RYR1: variants seen among roughly 807,000 people sequenced by gnomAD.
RYR1 encodes ryanodine receptor 1.
In RYR1, 342 loss-of-function variants were observed where a neutral mutation model predicts 583.5. The ratio of observed to expected loss-of-function variants is 0.59; its 90% CI spans 0.54 to 0.64. The LOEUF (loss-of-function observed/expected upper bound fraction) is 0.64, where lower values mean the gene tolerates loss of function less well. RYR1 is among the 30% of genes least tolerant of loss of function. RYR1 has a pLI of 0.00. For missense variants in RYR1, 6,032 were observed against 6,917.2 expected (o/e 0.87, Z 4.54); for synonymous variants, 2,791 against 2,822.5 (o/e 0.99, Z 0.35).
chr19:38,467,996 A>T, intron 25 of RYR1, 184 bp downstream of exon 25: 1 of 630,704 alleles, frequency 1.6e-6, no homozygotes. Context: ...CCATCGATCT[A>T]TCAGACATCC....
chr19:38,477,709 G>C lies in RYR1; in HGVS notation c.4294-1G>C. Reference sequence around the variant, plus strand: ...ACTAGTTCCCCTCCTTGTGTCACCAGTACTATTACTCCGTGAGGGTCTTTG... The same window carrying C: ...ACTAGTTCCCCTCCTTGTGTCACCACTACTATTACTCCGTGAGGGTCTTTG... On this transcript the variant is annotated splice_acceptor_variant, in intron 29 of 105. Coordinates refer to ENST00000359596, the MANE Select transcript of RYR1 (RefSeq NM_000540.3). LOFTEE classifies it high-confidence loss of function. 1 of 1,614,142 alleles carries C rather than the reference G, an allele frequency of 6.2e-7. No individual in the cohort carries two copies. The highest frequency in any genetic ancestry group is 8.5e-7 in the Non-Finnish European group (1 of 1,180,030).
intron 97 of RYR1, among the ~76,000 whole-genome samples, chr19:38,577,473 A>G (rs1057326372): frequency 6.6e-6 from 1 of 152,078 alleles, no homozygotes; most frequent in Non-Finnish European, 1.5e-5. Context: ...ACCCAAGTAC[A>G]GTATGTCAGT....
In RYR1 at chr19:38,487,044, C is replaced by T. The variant is rs538916141; in HGVS notation, c.5547+842C>T. 3.4e-4 allele frequency among the ~76,000 whole-genome samples: 52 copies of T among 152,290 alleles called. 1 individual carries two copies. The South Asian group carries it at 8.1e-3, about 24-fold the overall frequency. On this transcript the variant is annotated intron_variant, in intron 34 of 105. Coordinates refer to ENST00000359596, the MANE Select transcript of RYR1 (RefSeq NM_000540.3). Reference sequence around the variant, plus strand: ...TTCCATCTGTTCATCTATCCACCTACCCATTTATGTATTAATCTATCTTTC... The same window carrying T: ...TTCCATCTGTTCATCTATCCACCTATCCATTTATGTATTAATCTATCTTTC...
Position 38,466,536 on chromosome 19 carries a change from G to A in RYR1, c.3178+138G>A, listed in dbSNP as rs888123769. ...TTTTTTTTTTTTGAGACGGAGTCTC[G>A]CTGTCCCCAGGCTGGAGTGCAATGG... On this transcript the variant is annotated intron_variant, in intron 24 of 105. Coordinates refer to ENST00000359596, the MANE Select transcript of RYR1 (RefSeq NM_000540.3). The A allele has an allele frequency of 1.9e-5, 16 of 856,354 alleles. No individual in the cohort carries two copies. The African/African-American group carries it at 1.9e-4, about 10-fold the overall frequency. The allele number at this position is 856,354 out of a possible 1,614,324, so 53.0% of individuals were successfully genotyped here.
rs1057519173 is a variant in RYR1 at position 38,489,444 on chromosome 19, G to A, written c.5814+1G>A. 1 of 1,613,962 alleles carries A rather than the reference G, an allele frequency of 6.2e-7. No homozygotes were observed. The highest frequency in any genetic ancestry group is 8.5e-7 in the Non-Finnish European group (1 of 1,179,868). ...GTTGCCAGAGTCTGTGAAGTTACAG[G>A]TGGGCTGCTGCTTCCTGCTTTTCGG... On this transcript the variant is annotated splice_donor_variant, in intron 35 of 105. Coordinates refer to ENST00000359596, the MANE Select transcript of RYR1 (RefSeq NM_000540.3). LOFTEE classifies it high-confidence loss of function.
At chr19:38,463,330 C>A in intron 20 of RYR1, 93 bp from the exon 21 acceptor site, 1 of 1,066,930 alleles carries the variant, frequency 9.4e-7, no homozygotes, top group Admixed American at 1.9e-5. Flanking sequence ...CTGGAGGAGC[C>A]TCCCAGGGCT....
Position 38,561,161 on chromosome 19 carries a change from C to CT in RYR1, c.12334dup (p.Ser4112PhefsTer7), listed in dbSNP as rs778969156. 4 of 1,614,184 alleles carry CT rather than the reference C, an allele frequency of 2.5e-6. No homozygotes were observed. The highest frequency in any genetic ancestry group is 2.5e-6 in the Non-Finnish European group (3 of 1,180,036). On this transcript the variant is annotated frameshift_variant, in exon 90 of 106. Coordinates refer to ENST00000359596, the MANE Select transcript of RYR1 (RefSeq NM_000540.3). LOFTEE classifies it high-confidence loss of function. The surrounding 1 kb of genome is among the most constrained non-coding windows in gnomAD (Gnocchi z 4.8). ...CAGCGGTCCAGAAATCCAGTTCCTG[C>CT]TTTCGTGCTCCGAAGCGGATGAGAA...
rs1057523511 is a variant in RYR1, at chr19:38,469,025, C to T, written c.3441C>T (p.Val1147=). 10 of 1,614,048 alleles carry T rather than the reference C, an allele frequency of 6.2e-6. No homozygotes were observed. Among genetic ancestry groups the T allele is most frequent in the South Asian group, 1.1e-5 (1 of 91,082 alleles). The change falls in exon 26 of 106, where the codon GTC becomes GTT. Residue 1147 remains valine, a synonymous_variant. Coordinates refer to ENST00000359596, the MANE Select transcript of RYR1 (RefSeq NM_000540.3). ...GGCGCCCCTGGCAGCCGGGCGATGT[C>T]GTTGGCTGTATGATCGACCTCACAG... is the stretch of plus-strand genomic sequence containing the variant. ...PFGRPWQPGD[V]VGCMIDLTEN... is the part of the protein sequence containing the mutation.
rs140711794 is a variant in RYR1 at position 38,438,907 on chromosome 19, C to T, written c.46-1838C>T. On this transcript the variant is annotated intron_variant, in intron 1 of 105. Transcript: ENST00000359596. ...TGCTGGGATTACAGGCGTGAGCCGCCGTGCCTGGCCCCAGGCTGGTCTTAA... is the reference window on the plus strand; with the variant it reads ...TGCTGGGATTACAGGCGTGAGCCGCTGTGCCTGGCCCCAGGCTGGTCTTAA... 5.9e-3 allele frequency among the ~76,000 whole-genome samples: 904 copies of T among 152,090 alleles called. 23 individuals are homozygous for T. In the East Asian group the frequency reaches 0.077, roughly 13 times the overall value.
rs763503192 is a variant in RYR1 at position 38,517,642 on chromosome 19, C to A, written c.9969C>A (p.Ile3323=). ...NSLLGNILRI[I]VNNLGIDEAS... is the part of the protein sequence containing the mutation. ...TGCTGGGGAATATCCTGAGAATCATCGTCAACAACCTGGGCATTGACGAGG... is the reference window on the plus strand; with the variant it reads ...TGCTGGGGAATATCCTGAGAATCATAGTCAACAACCTGGGCATTGACGAGG... Residue 3323 remains isoleucine (I), a synonymous_variant, in exon 66 of 106, where the codon ATC becomes ATA. Coordinates refer to ENST00000359596, the MANE Select transcript of RYR1 (RefSeq NM_000540.3). 1.9e-6 allele frequency: 3 copies of A among 1,614,056 alleles called. No homozygotes were observed. Among genetic ancestry groups the A allele is most frequent in the African/African-American group, 2.7e-5 (2 of 74,906 alleles).
At chr19:38,463,874 G>A (rs753877769) in intron 22 of RYR1, 24 bp downstream of exon 22, 13 of 1,584,840 alleles carry the variant, frequency 8.2e-6, no homozygotes, top group Admixed American at 1.7e-5. Flanking sequence ...GGAGCCGGGG[G>A]TTGGGGCTGG....
chr19:38,456,218 G>C (rs1397125032), intron 16 of RYR1, among the ~76,000 whole-genome samples: 2 of 143,916 alleles, frequency 1.4e-5, no homozygotes, highest in Admixed American at 1.4e-4. Flanking sequence ...TTCATGATCC[G>C]TCCACCTCAG....
At chr19:38,497,025 C>A (rs1345495747) in intron 42 of RYR1, 71 bp downstream of exon 42, 3 of 1,291,808 alleles carry the variant, frequency 2.3e-6, no homozygotes, top group Non-Finnish European at 3.3e-6. Flanking sequence ...CTTGGGACAC[C>A]TGCTGATTCC....
rs749773794 is a variant in RYR1 at position 38,586,587 on chromosome 19, G to A, written c.15021+11G>A. The stretch of plus-strand genomic sequence containing the variant: ...GAACACACGGGTCAGGTAAGGGGGT[G>A]TTAATGGGAGGACAGTGGGCAGGAC... On this transcript the variant is annotated intron_variant, in intron 105 of 105. Coordinates refer to ENST00000359596, the MANE Select transcript of RYR1 (RefSeq NM_000540.3). 4 of 1,613,604 alleles carry A rather than the reference G, an allele frequency of 2.5e-6. No individual in the cohort carries two copies. In the South Asian group the frequency reaches 4.4e-5, roughly 18 times the overall value.
At position 38,500,245 on chromosome 19, in the gene RYR1, T is replaced by C. The variant is rs557792332; in HGVS notation, c.7323+229T>C. Among the ~76,000 whole-genome samples the C allele has an allele frequency of 7.3e-6, 1 of 136,868 alleles. No homozygotes were observed. The highest frequency in any genetic ancestry group is 1.6e-5 in the Non-Finnish European group (1 of 64,134). The allele number at this position is 136,868 out of a possible 152,430, so 89.8% of individuals were successfully genotyped here. A position where few individuals can be genotyped will look rare whatever the true frequency, so the allele number is the denominator to read the frequency against. On this transcript the variant is annotated intron_variant, in intron 45 of 105. Coordinates refer to ENST00000359596, the MANE Select transcript of RYR1 (RefSeq NM_000540.3). This position sits in a 1 kb window ranked among gnomAD's most constrained non-coding sequence, Gnocchi z 5.9. ...ACACCCAGAGTGGTCAGGGCTGGGA[T>C]GGGGGAGCACAGGAAGAGGGGTCGG...
At chr19:38,503,096 G>C (rs1970273354) in intron 49 of RYR1, 126 bp downstream of exon 49, 1 of 876,616 alleles carries the variant, frequency 1.1e-6, no homozygotes, top group Admixed American at 2.0e-5. Flanking sequence ...AGTTAGGGCA[G>C]CGTCCCCGTA....
chr19:38,542,066 CAA>C (rs71165558), intron 84 of RYR1, among the ~76,000 whole-genome samples: 5 of 80,816 alleles, frequency 6.2e-5, no homozygotes, highest in East Asian at 3.5e-4. Context: ...GAGACCTTGT[CAA>C]AAAAAAAAAA....
At chr19:38,439,131 G>A (rs867971143) in intron 1 of RYR1, among the ~76,000 whole-genome samples, 2 of 152,070 alleles carry the variant, frequency 1.3e-5, no homozygotes, top group African/African-American at 4.8e-5. Flanking sequence ...AAGGCCCAGA[G>A]CATAAGGCCT....
intron 42 of RYR1, among the ~76,000 whole-genome samples, chr19:38,498,332 G>T (rs2145594884): frequency 6.6e-6 from 1 of 152,204 alleles, no homozygotes. Flanking sequence ...GCTGTGTGTG[G>T]GGAACAGATT....
Sources: allele counts gnomAD v4.1 joint callset (sites outside exome capture counted in the v4.1 genomes callset), GRCh38; gene constraint gnomAD v4.1.1; non-coding constraint Gnocchi (gnomAD v3.1); transcripts MANE v1.5; gene names NCBI Gene and HGNC (gene_info 2026-07-23, HGNC 2026-07-21).